The following PRR5 variants were observed in gnomAD, a reference collection of about 807,000 sequenced individuals.
The protein encoded by PRR5 is proline-rich protein 5.
In PRR5, 25 loss-of-function variants were observed where a neutral mutation model predicts 30.6. That is an observed-to-expected ratio of 0.82 (90% CI 0.60 to 1.14). The LOEUF (loss-of-function observed/expected upper bound fraction) is 1.14. PRR5 is among the 50% of genes most tolerant of loss of function. The probability of loss-of-function intolerance (pLI) is 0.00; values close to 1 mark genes in which losing one functional copy is unlikely to be tolerated. For synonymous variants in PRR5, 286 were observed against 247.1 expected (o/e 1.16, Z -1.48); for missense variants, 600 against 547.1 (o/e 1.10, Z -0.96).
At position 44,678,386 on chromosome 22, in the gene PRR5, A is replaced by G. The variant is rs1923961881; in HGVS notation, c.-11+1146A>G. Among the ~76,000 whole-genome samples, 5 of 145,704 alleles carry G rather than the reference A, an allele frequency of 3.4e-5. No homozygotes were observed. The South Asian group carries it at 1.1e-3, about 31-fold the overall frequency. On this transcript the variant is annotated intron_variant, in intron 1 of 8. Transcript: ENST00000006251. ...TGTTCAGGCTGGAGTGCGATGGCGC[A>G]ATCTCGGCTCACTGCAGCCTCTGCC... is the stretch of plus-strand genomic sequence containing the variant.
intron 3 of PRR5, among the ~76,000 whole-genome samples, chr22:44,725,587 T>C (rs1920930223): frequency 6.6e-6 from 1 of 152,078 alleles, no homozygotes; most frequent in Admixed American, 6.5e-5. Context: ...TCTCACACCT[T>C]AGCCTCCTGA....
intron 1 of PRR5, chr22:44,679,550 C>CA (rs201513492): frequency 0.019 from 6,287 of 330,198 alleles, 379 homozygotes; most frequent in African/African-American, 0.12. Flanking sequence ...ACTAAAAATA[C>CA]AAAAAAATTA....
chr22:44,719,777 G>A (rs1034647004), intron 2 of PRR5, among the ~76,000 whole-genome samples: 1 of 152,180 alleles, frequency 6.6e-6, no homozygotes, highest in Admixed American at 6.5e-5. Flanking sequence ...TCCCTGCAAG[G>A]CCTCTCCTGC....
chr22:44,675,827 G>A (rs1923722159), upstream of PRR5, among the ~76,000 whole-genome samples: 1 of 149,894 alleles, frequency 6.7e-6, no homozygotes. Flanking sequence ...ATTAAATTGT[G>A]GATCCTTGCA....
chr22:44,732,479 T>C, intron 6 of PRR5, 88 bp downstream of exon 6: 2 of 1,512,532 alleles, frequency 1.3e-6, no homozygotes, highest in African/African-American at 1.4e-5. Context: ...GAGATGAGGA[T>C]TTAGGGGCAC....
chr22:44,674,852 A>G (rs1923631853), upstream of PRR5, among the ~76,000 whole-genome samples: 1 of 152,044 alleles, frequency 6.6e-6, no homozygotes, highest in Non-Finnish European at 1.5e-5. Flanking sequence ...AGGGTGAGGC[A>G]GGAGAATTGC....
At chr22:44,694,856 G>T (rs1925606903) in intron 1 of PRR5, among the ~76,000 whole-genome samples, 2 of 152,132 alleles carry the variant, frequency 1.3e-5, no homozygotes, top group African/African-American at 4.8e-5. Flanking sequence ...GACAGGGAAG[G>T]TATTGCAGCT....
At chr22:44,732,779 G>T (rs1315159019) in intron 6 of PRR5, among the ~76,000 whole-genome samples, 1 of 105,042 alleles carries the variant, frequency 9.5e-6, no homozygotes, top group African/African-American at 5.7e-5. Flanking sequence ...ATGCCTGTGT[G>T]CACGCACATA....
At chr22:44,690,721 A>G (rs1015673590) in intron 1 of PRR5, among the ~76,000 whole-genome samples, 2 of 152,166 alleles carry the variant, frequency 1.3e-5, no homozygotes, top group African/African-American at 2.4e-5. Context: ...TGTTATTATT[A>G]TTATTATCAC....
At chr22:44,670,336 G>A (rs1044987112) in intron 1 of PRR5, among the ~76,000 whole-genome samples, 15 of 152,180 alleles carry the variant, frequency 9.9e-5, no homozygotes, top group Admixed American at 6.5e-4. Flanking sequence ...TGTTTAAATC[G>A]TGGGGCGGGG....
chr22:44,697,336 C>T (rs1248878418), upstream of PRR5, among the ~76,000 whole-genome samples: 2 of 152,122 alleles, frequency 1.3e-5, no homozygotes, highest in Non-Finnish European at 2.9e-5. Flanking sequence ...CTTGGCGTGC[C>T]CCTGTGACTG....
chr22:44,736,729 C>A (rs779381637), intron 7 of PRR5, 43 bp from the exon 8 acceptor site: 1 of 1,514,544 alleles, frequency 6.6e-7, no homozygotes. Flanking sequence ...CGGGCGGGGA[C>A]CCAGGTGGCC....
intron 1 of PRR5, among the ~76,000 whole-genome samples, chr22:44,709,411 G>A (rs1193701346): frequency 6.6e-6 from 1 of 152,170 alleles, no homozygotes; most frequent in East Asian, 1.9e-4. Context: ...CACGCTGCTG[G>A]CTGTGAAGAT....
chr22:44,727,184 T>A (rs1294871882), intron 4 of PRR5, among the ~76,000 whole-genome samples: 1 of 152,082 alleles, frequency 6.6e-6, no homozygotes, highest in East Asian at 1.9e-4. Flanking sequence ...CAAACCCAGG[T>A]CTGCCTGACT....
At chr22:44,684,719 G>A (rs1026938010) in intron 1 of PRR5, among the ~76,000 whole-genome samples, 5 of 152,238 alleles carry the variant, frequency 3.3e-5, no homozygotes, top group African/African-American at 4.8e-5. Context: ...GGGGCAGACA[G>A]CGGGTGTGGG....
At chr22:44,699,219 G>GCCT (rs1367089954), upstream of PRR5, among the ~76,000 whole-genome samples, 1 of 152,064 alleles carries the variant, frequency 6.6e-6, no homozygotes, top group Non-Finnish European at 1.5e-5. Flanking sequence ...CCCTCCTCCT[G>GCCT]CCTCCCACCT....
chr22:44,706,974 G>C (rs1602007435), intron 1 of PRR5, among the ~76,000 whole-genome samples: 1 of 152,196 alleles, frequency 6.6e-6, no homozygotes, highest in East Asian at 1.9e-4. Flanking sequence ...GCCTGTGACA[G>C]ATCTGCCTCC....
At chr22:44,711,615 G>C (rs923332473) in intron 1 of PRR5, among the ~76,000 whole-genome samples, 1 of 152,184 alleles carries the variant, frequency 6.6e-6, no homozygotes, top group African/African-American at 2.4e-5. Context: ...GGCCCACTGC[G>C]AGCCTTGGAG....
At chr22:44,709,549 G>A (rs1474732049) in intron 1 of PRR5, among the ~76,000 whole-genome samples, 2 of 152,108 alleles carry the variant, frequency 1.3e-5, no homozygotes, top group East Asian at 1.9e-4. Context: ...TTTTAGTCCA[G>A]GGAAACTGAT....
Sources: gnomAD v4.1 joint callset for allele counts (sites outside exome capture counted in the v4.1 genomes callset) on GRCh38, gnomAD v4.1.1 for gene constraint, MANE v1.5 for transcripts, NCBI Gene and HGNC (gene_info 2026-07-23, HGNC 2026-07-21) for gene names.